The following CAPRIN1 variants were observed in gnomAD, a reference collection of about 807,000 sequenced individuals.
CAPRIN1 encodes cell cycle associated protein 1.
CAPRIN1 carries 29 observed loss-of-function variants against 100.9 expected under a neutral mutation model. The ratio of observed to expected loss-of-function variants is 0.29; its 90% confidence interval spans 0.21 to 0.39. The LOEUF is 0.39. Ranked by LOEUF, CAPRIN1 falls within the 10% of genes least tolerant of loss-of-function variation. The pLI, the probability that CAPRIN1 is intolerant of heterozygous loss-of-function variation, is 1.00. For synonymous variants in CAPRIN1, 338 were observed against 307.5 expected (o/e 1.10, Z -1.04); for missense variants, 795 against 876.7 (o/e 0.91, Z 1.18).
chr11:34,080,215 G>C (rs777751332), intron 7 of CAPRIN1, among the ~76,000 whole-genome samples: 55 of 152,110 alleles, frequency 3.6e-4, no homozygotes, highest in Non-Finnish European at 6.9e-4. Context: ...GAGCCACTGC[G>C]CCCGGCCTTG....
chr11:34,097,368 A>G lies in CAPRIN1; in HGVS notation c.2001+72A>G, dbSNP rs1851387911. On this transcript the variant is annotated intron_variant, in intron 17 of 18. Coordinates refer to ENST00000341394, the MANE Select transcript of CAPRIN1 (RefSeq NM_005898.5). ...TGAAAGTGACTTAGTGTTGTTGCTTAATGAACCTAAGTAACTAATTTGGCG... is the reference window on the plus strand; with the variant it reads ...TGAAAGTGACTTAGTGTTGTTGCTTGATGAACCTAAGTAACTAATTTGGCG... 2.0e-5 allele frequency: 25 copies of G among 1,242,760 alleles called. No individual in the cohort carries two copies. The South Asian group carries it at 2.2e-4, about 11-fold the overall frequency. 77.0% of individuals were successfully genotyped at this position (1,242,760 alleles called of 1,614,324 possible). A position where few individuals can be genotyped will look rare whatever the true frequency, so the allele number is the denominator to read the frequency against.
Position 34,081,295 on chromosome 11 carries a change from G to T in CAPRIN1, c.826+1530G>T, listed in dbSNP as rs141790227. On this transcript the variant is annotated intron_variant, in intron 7 of 18. Transcript: ENST00000341394. ...GACTCACTGCAACCTCTGCCTCCCG[G>T]GTTCAAGCGATTATCCTGTCTCAGG... Among the ~76,000 whole-genome samples, 419 of 151,862 alleles carry T rather than the reference G, an allele frequency of 2.8e-3. 10 individuals are homozygous for T. In the East Asian group the frequency reaches 0.047, roughly 17 times the overall value.
chr11:34,058,326 G>A (rs1021743049), intron 2 of CAPRIN1, among the ~76,000 whole-genome samples: 10 of 152,038 alleles, frequency 6.6e-5, no homozygotes, highest in African/African-American at 1.9e-4. Flanking sequence ...TAGTAGAGAC[G>A]GGGTTTTGCC....
At chr11:34,093,521 T>A (rs1297861705) in intron 15 of CAPRIN1, among the ~76,000 whole-genome samples, 1 of 152,190 alleles carries the variant, frequency 6.6e-6, no homozygotes, top group African/African-American at 2.4e-5. Flanking sequence ...AGTTGTAAAA[T>A]TTTCTAATTA....
chr11:34,063,578 C>A (rs933125956), intron 2 of CAPRIN1, among the ~76,000 whole-genome samples: 10 of 152,186 alleles, frequency 6.6e-5, no homozygotes, highest in African/African-American at 2.4e-4. Flanking sequence ...ACTCTGACAT[C>A]TACTGGGTGT....
intron 2 of CAPRIN1, chr11:34,053,597 A>G (rs1277696108): frequency 1.4e-5 from 1 of 71,142 alleles, no homozygotes; most frequent in Non-Finnish European, 2.6e-5. Context: ...GCCCCCCTCT[A>G]AAAAAAAAAA....
intron 17 of CAPRIN1, 34 bp from the exon 18 acceptor site, chr11:34,097,664 G>A: frequency 6.2e-7 from 1 of 1,613,116 alleles, no homozygotes; most frequent in Non-Finnish European, 8.5e-7. Context: ...TTTTTAAAAA[G>A]TACCTTTTCA....
At chr11:34,084,040 A>G (rs745645130) in intron 9 of CAPRIN1, among the ~76,000 whole-genome samples, 4 of 151,864 alleles carry the variant, frequency 2.6e-5, no homozygotes, top group Admixed American at 6.6e-5. Context: ...CTGCATTCCA[A>G]CCTGGTTGAC....
At chr11:34,055,652 T>C (rs1305943567) in intron 2 of CAPRIN1, 2 of 152,058 alleles carry the variant, frequency 1.3e-5, no homozygotes, top group African/African-American at 2.4e-5. Context: ...AAGGAGAAAA[T>C]AATGTAATTA....
chr11:34,075,539 A>C (rs1273696447), intron 4 of CAPRIN1, among the ~76,000 whole-genome samples: 1 of 152,236 alleles, frequency 6.6e-6, no homozygotes, highest in Non-Finnish European at 1.5e-5. Flanking sequence ...TATTCATAAA[A>C]ACAAATTAGG....
rs187493565 is a variant in CAPRIN1 at position 34,068,637 on chromosome 11, A to G, written c.217-3089A>G. The stretch of plus-strand genomic sequence containing the variant: ...TCCTAACAATGTACTGAAGTCTGTC[A>G]ATTTTAGTATCTTTTCTGTTGCGTG... On this transcript the variant is annotated intron_variant, in intron 2 of 18. Coordinates refer to ENST00000341394, the MANE Select transcript of CAPRIN1 (RefSeq NM_005898.5). 3.0e-3 allele frequency among the ~76,000 whole-genome samples: 453 copies of G among 152,278 alleles called. 2 individuals are homozygous for G. Among genetic ancestry groups the G allele is most frequent in the Non-Finnish European group, 5.0e-3 (337 of 68,024 alleles).
At chr11:34,053,790 A>G (rs964514088) in intron 2 of CAPRIN1, 4 of 152,262 alleles carry the variant, frequency 2.6e-5, no homozygotes, top group African/African-American at 9.6e-5. Context: ...AGAGTGAATA[A>G]TTAAAATGAG....
intron 18 of CAPRIN1, chr11:34,098,408 C>T: frequency 1.0e-6 from 1 of 985,364 alleles, no homozygotes; most frequent in Non-Finnish European, 1.2e-6. Context: ...TGGAAAACTA[C>T]TTCCCATTTT....
intron 9 of CAPRIN1, among the ~76,000 whole-genome samples, chr11:34,084,470 T>C (rs1353224472): frequency 6.6e-6 from 1 of 152,146 alleles, no homozygotes; most frequent in Non-Finnish European, 1.5e-5. Context: ...ATCAAAAAGA[T>C]TAGTAGAGGT....
intron 15 of CAPRIN1, among the ~76,000 whole-genome samples, chr11:34,092,989 G>A (rs1851291328): frequency 6.6e-6 from 1 of 151,540 alleles, no homozygotes; most frequent in African/African-American, 2.4e-5. Context: ...GTAGTTGGTA[G>A]TTGGGACTAC....
rs186058123 is a variant in CAPRIN1, at chr11:34,081,874, C to T, written c.827-951C>T. Among the ~76,000 whole-genome samples the T allele has an allele frequency of 1.5e-4, 23 of 151,778 alleles. No homozygotes were observed. In the East Asian group the frequency reaches 3.1e-3, roughly 21 times the overall value. ...TCACCCAGGCTGGAGTGCAGTGGCG[C>T]GATCTCAGCTTGCTGCAACCTCTGC... is the stretch of plus-strand genomic sequence containing the variant. On this transcript the variant is annotated intron_variant, in intron 7 of 18. Coordinates refer to ENST00000341394, the MANE Select transcript of CAPRIN1 (RefSeq NM_005898.5).
At chr11:34,098,040 C>T (rs1407033750) in intron 18 of CAPRIN1, 1 of 1,115,640 alleles carries the variant, frequency 9.0e-7, no homozygotes, top group Non-Finnish European at 1.1e-6. Context: ...TTTTTCAGGT[C>T]CTAAAACCTG....
intron 18 of CAPRIN1, 159 bp downstream of exon 18, chr11:34,097,920 C>T: frequency 7.3e-7 from 1 of 1,374,012 alleles, no homozygotes. Flanking sequence ...TAATCTTGGA[C>T]CCAAATTTTA....
intron 2 of CAPRIN1, among the ~76,000 whole-genome samples, chr11:34,071,335 A>G (rs1249086459): frequency 1.3e-5 from 2 of 152,118 alleles, no homozygotes; most frequent in Admixed American, 1.3e-4. Context: ...AGGCCGAGGC[A>G]GGTGGATCAC....
Sources: gnomAD v4.1 joint callset for allele counts (sites outside exome capture counted in the v4.1 genomes callset) on GRCh38, gnomAD v4.1.1 for gene constraint, MANE v1.5 for transcripts, NCBI Gene and HGNC (gene_info 2026-07-23, HGNC 2026-07-21) for gene names.